Variants in KALRN observed in about 807,000 individuals in gnomAD.
KALRN encodes the protein kalirin RhoGEF kinase.
In KALRN, 70 loss-of-function variants were observed where a neutral mutation model predicts 353.7. The ratio of observed to expected loss-of-function variants is 0.20; its 90% CI spans 0.16 to 0.24. KALRN has a LOEUF of 0.24. KALRN is among the 10% of genes least tolerant of loss of function. The probability of loss-of-function intolerance (pLI) is 1.00; values close to 1 mark genes in which losing one functional copy is unlikely to be tolerated. For missense variants in KALRN, 2,791 were observed against 3,756.7 expected (o/e 0.74, Z 6.72); for synonymous variants, 1,391 against 1,434.8 (o/e 0.97, Z 0.69).
At chr3:124,184,919 G>A (rs967422091) in intron 1 of KALRN, among the ~76,000 whole-genome samples, 1 of 152,164 alleles carries the variant, frequency 6.6e-6, no homozygotes, top group African/African-American at 2.4e-5. Flanking sequence ...TTTGAAGGGT[G>A]GATCTGTATG....
intron 3 of KALRN, among the ~76,000 whole-genome samples, chr3:124,245,717 G>A (rs1485537919): frequency 6.6e-6 from 1 of 151,622 alleles, no homozygotes; most frequent in Non-Finnish European, 1.5e-5. Context: ...TTCTAAATGA[G>A]GTGAGATGAT....
intron 34 of KALRN, among the ~76,000 whole-genome samples, chr3:124,576,972 T>C (rs1370195282): frequency 6.6e-6 from 1 of 152,190 alleles, no homozygotes; most frequent in Non-Finnish European, 1.5e-5. Context: ...CAATTCCAGC[T>C]GCAGCCATCT....
At chr3:124,570,460 T>C (rs1578059716) in intron 34 of KALRN, among the ~76,000 whole-genome samples, 2 of 152,286 alleles carry the variant, frequency 1.3e-5, no homozygotes, top group Admixed American at 1.3e-4. Context: ...GTATGATCAA[T>C]GAGGGTGAGA....
chr3:124,254,837 T>G (rs1474040676), intron 3 of KALRN, among the ~76,000 whole-genome samples: 1 of 152,178 alleles, frequency 6.6e-6, no homozygotes, highest in Non-Finnish European at 1.5e-5. Flanking sequence ...CTTACCAAAG[T>G]TCATGATTTC....
intron 58 of KALRN, among the ~76,000 whole-genome samples, chr3:124,713,563 T>C (rs1159507141): frequency 1.3e-5 from 2 of 152,076 alleles, no homozygotes. Flanking sequence ...CCCAAAAAAA[T>C]TCCTTCCAGG....
intron 34 of KALRN, among the ~76,000 whole-genome samples, chr3:124,610,638 G>A (rs112756161): frequency 6.8e-6 from 1 of 146,376 alleles, no homozygotes; most frequent in South Asian, 2.1e-4. Context: ...TAACCCTGGG[G>A]GGGGCGGCTA....
At chr3:124,466,950 A>G (rs2060403245) in intron 25 of KALRN, among the ~76,000 whole-genome samples, 1 of 152,130 alleles carries the variant, frequency 6.6e-6, no homozygotes, top group African/African-American at 2.4e-5. Context: ...CTTGTGCCAC[A>G]CCCCTACAAC....
intron 21 of KALRN, among the ~76,000 whole-genome samples, chr3:124,450,888 A>G (rs1259361375): frequency 2.0e-5 from 3 of 152,140 alleles, no homozygotes; most frequent in Non-Finnish European, 4.4e-5. Flanking sequence ...AGAGGAATAT[A>G]GTTCATATGT....
chr3:124,311,516 G>C (rs1474430557), intron 6 of KALRN, among the ~76,000 whole-genome samples: 1 of 152,064 alleles, frequency 6.6e-6, no homozygotes, highest in Non-Finnish European at 1.5e-5. Context: ...AGGATATGGA[G>C]AAGTCAGAAT....
chr3:124,079,821 C>T (rs139711709), intron 1 of KALRN, among the ~76,000 whole-genome samples: 89 of 152,216 alleles, frequency 5.8e-4, no homozygotes, highest in African/African-American at 2.0e-3. Context: ...AGAAAAGTCA[C>T]TTGTATTTAT....
intron 45 of KALRN, among the ~76,000 whole-genome samples, chr3:124,665,708 G>A (rs1030033639): frequency 2.0e-4 from 31 of 152,114 alleles, no homozygotes; most frequent in Admixed American, 1.4e-3. Context: ...CAGGTAATCC[G>A]CCTGGCTTGG....
chr3:124,196,454 A>G (rs2075437267), intron 1 of KALRN, among the ~76,000 whole-genome samples: 1 of 152,212 alleles, frequency 6.6e-6, no homozygotes, highest in Non-Finnish European at 1.5e-5. Flanking sequence ...CAGCAGTGAC[A>G]GCCAGGAATT....
In KALRN at chr3:124,353,954, G is replaced by A. The variant is rs1188614844; in HGVS notation, c.1770+6689G>A. Among the ~76,000 whole-genome samples the A allele has an allele frequency of 2.0e-5, 3 of 152,226 alleles. No homozygotes were observed. In the East Asian group the frequency reaches 5.8e-4, roughly 29 times the overall value. The stretch of plus-strand genomic sequence containing the variant: ...CACTAGGGAGAAGTTACTGGTATGA[G>A]CTGATGGGAGACCATCTGGTGATCA... On this transcript the variant is annotated intron_variant, in intron 10 of 59. Coordinates refer to ENST00000682506, the MANE Select transcript of KALRN (RefSeq NM_001388419.1).
At chr3:124,120,741 T>TAC (rs1560005084) in intron 1 of KALRN, among the ~76,000 whole-genome samples, 2 of 145,362 alleles carry the variant, frequency 1.4e-5, no homozygotes, top group Non-Finnish European at 3.0e-5. Context: ...TATATATATA[T>TAC]ATATTTTCAC....
intron 10 of KALRN, among the ~76,000 whole-genome samples, chr3:124,355,925 G>C (rs1007707903): frequency 2.6e-5 from 4 of 151,896 alleles, no homozygotes; most frequent in African/African-American, 9.7e-5. Context: ...ATGTTGGCCA[G>C]GCTGGTCTCG....
intron 6 of KALRN, among the ~76,000 whole-genome samples, chr3:124,318,352 G>A (rs1412964879): frequency 6.6e-6 from 1 of 152,252 alleles, no homozygotes; most frequent in African/African-American, 2.4e-5. Flanking sequence ...GGAGGCAGAA[G>A]TTGGAGGTTT....
chr3:124,368,213 G>A lies in KALRN; in HGVS notation c.1771-16632G>A, dbSNP rs1309004561. ...GGCTGACCCCCCACACCTCCCTCCC[G>A]GACAGCACGGCTGGCCAGGCGGGGG... On this transcript the variant is annotated intron_variant, in intron 10 of 59. Coordinates refer to ENST00000682506, the MANE Select transcript of KALRN (RefSeq NM_001388419.1). Among the ~76,000 whole-genome samples the A allele has an allele frequency of 3.6e-4, 44 of 121,312 alleles. 4 individuals are homozygous for A. Among genetic ancestry groups the A allele is most frequent in the African/African-American group, 1.1e-3 (32 of 29,602 alleles). 79.6% of individuals were successfully genotyped at this position (121,312 alleles called of 152,430 possible). A position where few individuals can be genotyped will look rare whatever the true frequency, so the allele number is the denominator to read the frequency against.
At chr3:124,120,691 A>G (rs926503156) in intron 1 of KALRN, among the ~76,000 whole-genome samples, 2 of 142,566 alleles carry the variant, frequency 1.4e-5, no homozygotes, top group African/African-American at 5.6e-5. Context: ...GAAACTTACA[A>G]TCCAGATAGG....
chr3:124,413,194 A>T (rs1044527259), intron 13 of KALRN, among the ~76,000 whole-genome samples: 2 of 152,214 alleles, frequency 1.3e-5, no homozygotes, highest in African/African-American at 2.4e-5. Flanking sequence ...ATCAAGGAGT[A>T]TGCAAAAACT....
Sources: allele counts gnomAD v4.1 joint callset (sites outside exome capture counted in the v4.1 genomes callset), GRCh38; gene constraint gnomAD v4.1.1; transcripts MANE v1.5; gene names NCBI Gene and HGNC (gene_info 2026-07-23, HGNC 2026-07-21).